The following ITGA9 variants were observed in gnomAD, a reference collection of about 807,000 sequenced individuals.
The protein encoded by ITGA9 is integrin subunit alpha 9.
In ITGA9, 56 loss-of-function variants were observed where a neutral mutation model predicts 127.8. The observed-to-expected ratio is 0.44, with a 90% confidence interval of 0.35 to 0.55. The LOEUF is 0.55. Ranked by LOEUF, ITGA9 falls within the 20% of genes least tolerant of loss-of-function variation. The probability of loss-of-function intolerance (pLI) is 0.00; values close to 1 mark genes in which losing one functional copy is unlikely to be tolerated. For synonymous variants in ITGA9, 508 were observed against 514.5 expected, an observed-to-expected ratio of 0.99 and a Z score of 0.17; for missense variants, 1,196 against 1,347.1, an observed-to-expected ratio of 0.89 and a Z score of 1.76.
rs73826596 is a variant in ITGA9, at chr3:37,505,970, G to A, written c.743-30G>A. 4.2e-4 allele frequency: 621 copies of A among 1,488,014 alleles called. 4 individuals are homozygous for A. In the African/African-American group the frequency reaches 6.9e-3, roughly 16 times the overall value. 92.2% of individuals were successfully genotyped at this position (1,488,014 alleles called of 1,614,324 possible). A position where few individuals can be genotyped will look rare whatever the true frequency, so the allele number is the denominator to read the frequency against. On this transcript the variant is annotated intron_variant, in intron 6 of 27. Transcript: ENST00000264741. Reference sequence around the variant, plus strand: ...TTTTCCCTTCCCTTCTTTTTCAACCGTGTGCTTGGTTTCCGCCCATCCTGT... The same window carrying A: ...TTTTCCCTTCCCTTCTTTTTCAACCATGTGCTTGGTTTCCGCCCATCCTGT...
In ITGA9 at chr3:37,452,468, C is replaced by T; in HGVS notation, c.94C>T (p.Leu32Phe). 3 of 1,501,792 alleles carry T rather than the reference C, an allele frequency of 2.0e-6. No individual in the cohort carries two copies. Among genetic ancestry groups the T allele is most frequent in the Non-Finnish European group, 2.7e-6 (3 of 1,124,658 alleles). The allele number at this position is 1,501,792 out of a possible 1,614,324, so 93.0% of individuals were successfully genotyped here. ...VAGIPAGAYNLDPQRPVHFQG... is the reference protein window; with the variant it reads ...VAGIPAGAYNFDPQRPVHFQG... Reference sequence around the variant, plus strand: ...GGGGATCCCCGCGGGCGCCTACAACCTCGACCCGCAGCGCCCCGTGCACTT... The same window carrying T: ...GGGGATCCCCGCGGGCGCCTACAACTTCGACCCGCAGCGCCCCGTGCACTT... The change falls in exon 1 of 28, where the codon CTC becomes TTC. Residue 32 changes from leucine (L) to phenylalanine (F), a missense_variant. Leu to Phe is a conservative substitution (Grantham distance 22). Coordinates refer to ENST00000264741, the MANE Select transcript of ITGA9 (RefSeq NM_002207.3). This position sits in a 1 kb window ranked among gnomAD's most constrained non-coding sequence, Gnocchi z 7.3.
At chr3:37,617,657 C>T (rs1411009400) in intron 15 of ITGA9, among the ~76,000 whole-genome samples, 2 of 152,250 alleles carry the variant, frequency 1.3e-5, no homozygotes, top group Middle Eastern at 3.4e-3. Flanking sequence ...AGGCTTTGTT[C>T]GTTTCTTTTT....
At chr3:37,725,959 G>T (rs1022743995) in intron 18 of ITGA9, among the ~76,000 whole-genome samples, 1 of 152,214 alleles carries the variant, frequency 6.6e-6, no homozygotes, top group Non-Finnish European at 1.5e-5. Flanking sequence ...TTCTTCATGG[G>T]TAGGAACTTT....
chr3:37,567,095 C>T (rs529803995), intron 15 of ITGA9, among the ~76,000 whole-genome samples: 7 of 152,256 alleles, frequency 4.6e-5, no homozygotes, highest in African/African-American at 1.7e-4. Flanking sequence ...TAAAGACATA[C>T]CCGAGATTGG....
At chr3:37,655,308 C>T (rs1000375421) in intron 17 of ITGA9, among the ~76,000 whole-genome samples, 1 of 152,216 alleles carries the variant, frequency 6.6e-6, no homozygotes, top group African/African-American at 2.4e-5. Flanking sequence ...TACACTCCCA[C>T]CAACAGTGTA....
chr3:37,658,201 A>G (rs1258948380), intron 17 of ITGA9, among the ~76,000 whole-genome samples: 1 of 152,212 alleles, frequency 6.6e-6, no homozygotes, highest in East Asian at 1.9e-4. Flanking sequence ...GATGTCTATT[A>G]GGTCTGCTTG....
chr3:37,513,971 G>T, intron 9 of ITGA9, 71 bp downstream of exon 9: 1 of 1,591,040 alleles, frequency 6.3e-7, no homozygotes, highest in Non-Finnish European at 8.6e-7. Context: ...CAGTGGCCGA[G>T]CACCCCTCTG....
chr3:37,782,209 T>C (rs3845948), intron 25 of ITGA9, among the ~76,000 whole-genome samples: 35,556 of 152,208 alleles, frequency 0.23, 4,548 homozygotes, highest in East Asian at 0.48. Flanking sequence ...ACAGTTTTAT[T>C]GCCTGTGCCA....
chr3:37,549,825 CA>C (rs1323173452), intron 15 of ITGA9, among the ~76,000 whole-genome samples: 2 of 152,152 alleles, frequency 1.3e-5, no homozygotes, highest in Non-Finnish European at 2.9e-5. Context: ...ATTTTGGAAG[CA>C]GCAAGATTTC....
intron 14 of ITGA9, among the ~76,000 whole-genome samples, chr3:37,539,302 T>G (rs1699243535): frequency 6.6e-6 from 1 of 152,190 alleles, no homozygotes; most frequent in African/African-American, 2.4e-5. Context: ...GATACACAAA[T>G]GATCCCAAGA....
intron 15 of ITGA9, among the ~76,000 whole-genome samples, chr3:37,564,142 G>A (rs9862843): frequency 0.03 from 4,632 of 152,264 alleles, 221 homozygotes; most frequent in African/African-American, 0.1. Context: ...AAATGTACTT[G>A]ACCACGGAAC....
At chr3:37,753,768 A>C (rs1011207824) in intron 23 of ITGA9, 1 of 152,202 alleles carries the variant, frequency 6.6e-6, no homozygotes, top group Non-Finnish European at 1.5e-5. Context: ...CTGCTGACTT[A>C]GGCATGGAGA....
chr3:37,594,463 A>G (rs1054483008), intron 15 of ITGA9, among the ~76,000 whole-genome samples: 16 of 151,922 alleles, frequency 1.1e-4, no homozygotes, highest in Middle Eastern at 6.8e-3. Context: ...AGGAGCAGAT[A>G]GAGTTTTTTA....
chr3:37,560,549 C>T (rs1182474810), intron 15 of ITGA9, among the ~76,000 whole-genome samples: 10 of 152,184 alleles, frequency 6.6e-5, no homozygotes, highest in South Asian at 6.2e-4. Flanking sequence ...AATGGTTGAA[C>T]GAATTTACAC....
rs747998809 is a variant in ITGA9, at chr3:37,519,387, C to T, written c.1236+33C>T. 6.6e-6 allele frequency: 10 copies of T among 1,506,314 alleles called. No homozygotes were observed. The South Asian group carries it at 8.0e-5, about 12-fold the overall frequency. 93.3% of individuals were successfully genotyped at this position (1,506,314 alleles called of 1,614,324 possible). A position where few individuals can be genotyped will look rare whatever the true frequency, so the allele number is the denominator to read the frequency against. On this transcript the variant is annotated intron_variant, in intron 11 of 27. Transcript: ENST00000264741. ...GTGTGAGAGTGATATGGCAACTGTT[C>T]ATACATTCATTCAGCAAACATGTAT... is the stretch of plus-strand genomic sequence containing the variant.
chr3:37,682,539 T>C (rs1376283286), intron 17 of ITGA9, among the ~76,000 whole-genome samples: 1 of 152,202 alleles, frequency 6.6e-6, no homozygotes, highest in Non-Finnish European at 1.5e-5. Flanking sequence ...TTTCTATCTA[T>C]ACTCATTTCC....
intron 15 of ITGA9, among the ~76,000 whole-genome samples, chr3:37,583,620 T>C (rs556610782): frequency 2.6e-5 from 4 of 152,368 alleles, no homozygotes; most frequent in South Asian, 2.1e-4. Context: ...GCACTAGCTT[T>C]GCAGAAGCTC....
At chr3:37,593,842 A>C (rs944043267) in intron 15 of ITGA9, among the ~76,000 whole-genome samples, 1 of 152,166 alleles carries the variant, frequency 6.6e-6, no homozygotes, top group Non-Finnish European at 1.5e-5. Context: ...GGTGAGAAGG[A>C]TGCCTGCTGT....
intron 16 of ITGA9, among the ~76,000 whole-genome samples, chr3:37,643,045 A>T (rs575964079): frequency 1.3e-5 from 2 of 152,340 alleles, no homozygotes; most frequent in South Asian, 4.1e-4. Context: ...AGAGTAGAAG[A>T]GGAGAGGGAG....
Sources: gnomAD v4.1 joint callset for allele counts (sites outside exome capture counted in the v4.1 genomes callset) on GRCh38, gnomAD v4.1.1 for gene constraint, Gnocchi (gnomAD v3.1) non-coding constraint, MANE v1.5 for transcripts, NCBI Gene and HGNC (gene_info 2026-07-23, HGNC 2026-07-21) for gene names.